The following PCDHGB4 variants were observed in gnomAD, a reference collection of about 807,000 sequenced individuals.
PCDHGB4 encodes protocadherin gamma-B4.
A neutral mutation model predicts 60.5 loss-of-function variants in PCDHGB4; 38 were observed. That is an observed-to-expected ratio of 0.63 (90% CI 0.48 to 0.82). The LOEUF (loss-of-function observed/expected upper bound fraction) is 0.82. Ranked by LOEUF, PCDHGB4 falls within the 40% of genes least tolerant of loss-of-function variation. The pLI is 0.00. For synonymous variants in PCDHGB4, 456 were observed against 509.7 expected (o/e 0.89, Z 1.42); for missense variants, 1,109 against 1,209.6 (o/e 0.92, Z 1.23).
chr5:141,420,744 C>T (rs1202150921), intron 1 of PCDHGB4, among the ~76,000 whole-genome samples: 8 of 152,194 alleles, frequency 5.3e-5, no homozygotes, highest in Admixed American at 5.2e-4. Context: ...TCAATTGGAA[C>T]CAACTACAAC....
intron 1 of PCDHGB4, among the ~76,000 whole-genome samples, chr5:141,466,627 C>G (rs1448245449): frequency 6.6e-6 from 1 of 152,154 alleles, no homozygotes; most frequent in African/African-American, 2.4e-5. Flanking sequence ...TTCTTTGGAG[C>G]ATTGTCTCCA....
rs2099641960 is a variant in PCDHGB4 at position 141,487,259 on chromosome 5, T to C, written c.2398-7548T>C. On this transcript the variant is annotated intron_variant, in intron 1 of 3. Coordinates refer to ENST00000519479, the MANE Select transcript of PCDHGB4 (RefSeq NM_003736.4). This position sits in a 1 kb window ranked among gnomAD's most constrained non-coding sequence, Gnocchi z 5.0. ...TCGTCTAACCCTCTACTTGGCTGTG[T>C]CCCTAGTGGCAATTTGCTTTGTCTC... 6.2e-7 allele frequency: 1 copy of C among 1,614,132 alleles called. No homozygotes were observed. Among genetic ancestry groups the C allele is most frequent in the Non-Finnish European group, 8.5e-7 (1 of 1,180,012 alleles).
intron 1 of PCDHGB4, chr5:141,398,258 G>T (rs756489359): frequency 2.1e-6 from 3 of 1,454,654 alleles, no homozygotes; most frequent in Non-Finnish European, 2.8e-6. Context: ...ATGCCCAAGG[G>T]CTCCGTAGTG....
Position 141,491,754 on chromosome 5 carries a change from C to T in PCDHGB4, c.2398-3053C>T. ...CCCCTGGGGGCGGCACTGGAGAAGC[C>T]GCCCGTCCTCATAAGGGATTGAACT... On this transcript the variant is annotated intron_variant, in intron 1 of 3. Transcript: ENST00000519479. The surrounding 1 kb of genome is among the most constrained non-coding windows in gnomAD (Gnocchi z 6.9). 5.7e-6 allele frequency: 9 copies of T among 1,582,682 alleles called. No individual in the cohort carries two copies. The highest frequency in any genetic ancestry group is 7.7e-6 in the Non-Finnish European group (9 of 1,165,614).
intron 1 of PCDHGB4, among the ~76,000 whole-genome samples, chr5:141,452,648 GCTCCATCCACTGCA>G (rs2098746292): frequency 6.6e-6 from 1 of 151,930 alleles, no homozygotes; most frequent in African/African-American, 2.4e-5. Flanking sequence ...TTACTCATTT[GCTCCATCCACTGCA>G]CTCCAGCCTA....
chr5:141,456,321 G>A (rs2098849819), intron 1 of PCDHGB4, among the ~76,000 whole-genome samples: 1 of 152,154 alleles, frequency 6.6e-6, no homozygotes, highest in African/African-American at 2.4e-5. Context: ...GGCTCCTCCT[G>A]GGGTTGATCT....
At position 141,477,130 on chromosome 5, in the gene PCDHGB4, G is replaced by C; in HGVS notation, c.2398-17677G>C. On this transcript the variant is annotated intron_variant, in intron 1 of 3. Coordinates refer to ENST00000519479, the MANE Select transcript of PCDHGB4 (RefSeq NM_003736.4). The surrounding 1 kb of genome is among the most constrained non-coding windows in gnomAD (Gnocchi z 4.9). ...ATCCCGAAGGAGCACATTGCAAAGT[G>C]TTGGTGGAGGTTGTGGATGTGAATG... 6.2e-7 allele frequency: 1 copy of C among 1,614,252 alleles called. No individual in the cohort carries two copies. The highest frequency in any genetic ancestry group is 2.2e-5 in the East Asian group (1 of 44,888).
At position 141,487,939 on chromosome 5, in the gene PCDHGB4, C is replaced by A; in HGVS notation, c.2398-6868C>A. ...AGGCTACAGTGCACAGGGTACAGTG[C>A]ACCAGGCAGTCACTTGGACAAAGGT... On this transcript the variant is annotated intron_variant, in intron 1 of 3. Coordinates refer to ENST00000519479, the MANE Select transcript of PCDHGB4 (RefSeq NM_003736.4). The surrounding 1 kb of genome is among the most constrained non-coding windows in gnomAD (Gnocchi z 5.0). The A allele has an allele frequency of 1.7e-6, 1 of 600,512 alleles. No individual in the cohort carries two copies. Among genetic ancestry groups the A allele is most frequent in the Non-Finnish European group, 2.9e-6 (1 of 343,042 alleles). The allele number at this position is 600,512 out of a possible 1,614,324, so 37.2% of individuals were successfully genotyped here.
chr5:141,472,307 C>T (rs949288194), intron 1 of PCDHGB4, among the ~76,000 whole-genome samples: 2 of 150,368 alleles, frequency 1.3e-5, no homozygotes, highest in Admixed American at 6.6e-5. Flanking sequence ...TTTGGGAAGC[C>T]GAGGCAGGCA....
intron 3 of PCDHGB4, chr5:141,508,338 A>T (rs1245526252): frequency 1.3e-5 from 2 of 152,224 alleles, no homozygotes; most frequent in Non-Finnish European, 2.9e-5. Flanking sequence ...AACTGACTCT[A>T]CAGAAAGTCA....
rs566049956 is a variant in PCDHGB4 at position 141,511,685 on chromosome 5, G to A, written c.*512G>A. 1.0e-5 allele frequency: 2 copies of A among 198,374 alleles called. No individual in the cohort carries two copies. Among genetic ancestry groups the A allele is most frequent in the Non-Finnish European group, 2.1e-5 (2 of 94,428 alleles). The allele number at this position is 198,374 out of a possible 1,614,324, so 12.3% of individuals were successfully genotyped here. On this transcript the variant is annotated 3_prime_UTR_variant, in exon 4 of 4. Coordinates refer to ENST00000519479, the MANE Select transcript of PCDHGB4 (RefSeq NM_003736.4). ...GATTCTCAATCTTCCCCCAAAGCAT[G>A]GTTTGGTGCCAGCCCCTTCACCTCC...
chr5:141,450,985 C>T (rs533993975), intron 1 of PCDHGB4, among the ~76,000 whole-genome samples: 22 of 151,876 alleles, frequency 1.4e-4, no homozygotes, highest in African/African-American at 3.9e-4. Flanking sequence ...CCACCACACC[C>T]GGCTAATTTT....
At chr5:141,400,547 C>A (rs534226736) in intron 1 of PCDHGB4, 12 of 1,613,676 alleles carry the variant, frequency 7.4e-6, no homozygotes, top group African/African-American at 2.7e-5. Flanking sequence ...TATGTCTATT[C>A]TTTTTCATTA....
intron 1 of PCDHGB4, chr5:141,429,276 T>C (rs748800169): frequency 6.6e-5 from 10 of 152,228 alleles, no homozygotes; most frequent in Non-Finnish European, 1.2e-4. Flanking sequence ...TTTTTTCCTG[T>C]GATGTTTCTT....
At chr5:141,445,284 C>A (rs2098462533) in intron 1 of PCDHGB4, among the ~76,000 whole-genome samples, 1 of 152,178 alleles carries the variant, frequency 6.6e-6, no homozygotes, top group African/African-American at 2.4e-5. Flanking sequence ...TGCATAAGTT[C>A]AGGCTTCCAT....
At chr5:141,488,784 T>C (rs116057353) in intron 1 of PCDHGB4, among the ~76,000 whole-genome samples, 1 of 152,248 alleles carries the variant, frequency 6.6e-6, no homozygotes, top group African/African-American at 2.4e-5. Flanking sequence ...TTGTATCACT[T>C]TGTCTTCCCT....
chr5:141,432,343 G>C lies in PCDHGB4; in HGVS notation c.2397+42062G>C, dbSNP rs1174646711. 3 of 1,614,130 alleles carry C rather than the reference G, an allele frequency of 1.9e-6. No homozygotes were observed. On this transcript the variant is annotated intron_variant, in intron 1 of 3. Coordinates refer to ENST00000519479, the MANE Select transcript of PCDHGB4 (RefSeq NM_003736.4). This position sits in a 1 kb window ranked among gnomAD's most constrained non-coding sequence, Gnocchi z 6.0. ...TCGACTACGAGCAGTTCCGAGACTTGCAAGTGAAAGTGATGGCGCGGGACA... is the reference window on the plus strand; with the variant it reads ...TCGACTACGAGCAGTTCCGAGACTTCCAAGTGAAAGTGATGGCGCGGGACA...
At chr5:141,469,543 C>G (rs1031152008) in intron 1 of PCDHGB4, among the ~76,000 whole-genome samples, 4 of 152,040 alleles carry the variant, frequency 2.6e-5, no homozygotes, top group Non-Finnish European at 4.4e-5. Flanking sequence ...CCACTGCACT[C>G]CAGCCTGGCG....
intron 1 of PCDHGB4, among the ~76,000 whole-genome samples, chr5:141,448,106 A>G (rs1308837314): frequency 1.3e-5 from 2 of 151,996 alleles, no homozygotes. Context: ...AAATTAAAAG[A>G]AAAGAAAATT....
Sources: gnomAD v4.1 joint callset for allele counts (sites outside exome capture counted in the v4.1 genomes callset) on GRCh38, gnomAD v4.1.1 for gene constraint, Gnocchi (gnomAD v3.1) non-coding constraint, MANE v1.5 for transcripts, NCBI Gene and HGNC (gene_info 2026-07-23, HGNC 2026-07-21) for gene names.